PDE4D: variants seen among roughly 807,000 people sequenced by gnomAD.
PDE4D encodes 3',5'-cyclic-AMP phosphodiesterase 4D.
PDE4D carries 24 observed loss-of-function variants against 87.4 expected under a neutral mutation model. The ratio of observed to expected loss-of-function variants is 0.27; its 90% CI spans 0.20 to 0.39. The LOEUF (loss-of-function observed/expected upper bound fraction) is 0.39, where lower values mean the gene tolerates loss of function less well. Among genes scored for constraint, PDE4D ranks in the 10% least tolerant of loss-of-function variants. PDE4D has a pLI of 1.00. For missense variants in PDE4D, 714 were observed against 1,041.0 expected (o/e 0.69, Z 4.32); for synonymous variants, 384 against 383.2 (o/e 1.00, Z -0.02).
intron 1 of PDE4D, among the ~76,000 whole-genome samples, chr5:59,642,113 T>C (rs189136614): frequency 3.6e-4 from 55 of 152,220 alleles, no homozygotes; most frequent in African/African-American, 1.2e-3. Flanking sequence ...GAGATACATA[T>C]AGAATGATTT....
intron 1 of PDE4D, among the ~76,000 whole-genome samples, chr5:60,507,219 C>T (rs1462328620): frequency 6.6e-6 from 1 of 151,984 alleles, no homozygotes; most frequent in East Asian, 1.9e-4. Context: ...GGACTACAGG[C>T]ACCCGCCACT....
At chr5:59,907,522 G>A (rs1160565931) in intron 3 of PDE4D, among the ~76,000 whole-genome samples, 1 of 151,996 alleles carries the variant, frequency 6.6e-6, no homozygotes, top group Non-Finnish European at 1.5e-5. Flanking sequence ...AAAATAACCT[G>A]TTACAACAAA....
intron 11 of PDE4D, among the ~76,000 whole-genome samples, chr5:58,984,610 TAGAG>T (rs954992386): frequency 6.6e-6 from 1 of 152,098 alleles, no homozygotes; most frequent in African/African-American, 2.4e-5. Context: ...AAAATAAAAG[TAGAG>T]AAATAAAAAA....
intron 1 of PDE4D, among the ~76,000 whole-genome samples, chr5:59,451,450 G>A (rs988828): frequency 0.4 from 61,341 of 151,978 alleles, 15,417 homozygotes; most frequent in African/African-American, 0.72. Flanking sequence ...CACATACAGC[G>A]CACCTGACTC....
chr5:59,096,013 C>A (rs993596511), intron 5 of PDE4D, among the ~76,000 whole-genome samples: 3 of 152,058 alleles, frequency 2.0e-5, no homozygotes, highest in African/African-American at 7.2e-5. Flanking sequence ...GCTAGTTAAG[C>A]TGGTTACTGT....
chr5:60,197,050 T>TAGAC (rs1741309360), intron 1 of PDE4D, among the ~76,000 whole-genome samples: 1 of 103,006 alleles, frequency 9.7e-6, no homozygotes, highest in Non-Finnish European at 2.0e-5. Flanking sequence ...GATAGATAGA[T>TAGAC]AGATAGATAG....
At chr5:59,990,530 T>C (rs1159064584) in intron 2 of PDE4D, among the ~76,000 whole-genome samples, 1 of 62,976 alleles carries the variant, frequency 1.6e-5, no homozygotes, top group Non-Finnish European at 4.1e-5. Flanking sequence ...CTGAGAAGAT[T>C]TAAAAAACAA....
intron 3 of PDE4D, among the ~76,000 whole-genome samples, chr5:59,953,310 T>C (rs929316288): frequency 1.3e-5 from 2 of 152,174 alleles, no homozygotes; most frequent in African/African-American, 4.8e-5. Context: ...TATTTTGCGA[T>C]TTAATGCATC....
intron 1 of PDE4D, among the ~76,000 whole-genome samples, chr5:59,259,638 T>C (rs546021025): frequency 1.3e-5 from 2 of 151,826 alleles, no homozygotes; most frequent in South Asian, 4.2e-4. Flanking sequence ...TTCTTTAGAA[T>C]TGTTAAAAGT....
chr5:59,851,289 T>C (rs888640847), intron 1 of PDE4D, among the ~76,000 whole-genome samples: 2 of 152,058 alleles, frequency 1.3e-5, no homozygotes, highest in Admixed American at 1.3e-4. Flanking sequence ...CAACTTCATA[T>C]GAGTGCCAAA....
chr5:59,761,332 A>G (rs548135287), intron 1 of PDE4D, among the ~76,000 whole-genome samples: 24 of 152,122 alleles, frequency 1.6e-4, no homozygotes, highest in Non-Finnish European at 3.1e-4. Flanking sequence ...GACTTTATAA[A>G]CACTGTACAC....
upstream of PDE4D, chr5:60,490,371 T>C (rs962342657): frequency 3.9e-5 from 6 of 152,348 alleles, no homozygotes; most frequent in Admixed American, 3.9e-4. Context: ...AAGGAAGTGA[T>C]GTCCCATTAT....
At chr5:59,361,989 G>A (rs1356346174) in intron 1 of PDE4D, among the ~76,000 whole-genome samples, 1 of 152,130 alleles carries the variant, frequency 6.6e-6, no homozygotes, top group African/African-American at 2.4e-5. Context: ...TTTCAGGGCA[G>A]CACTGTATAG....
intron 2 of PDE4D, among the ~76,000 whole-genome samples, chr5:60,145,801 T>C (rs1438156438): frequency 6.6e-6 from 1 of 152,232 alleles, no homozygotes; most frequent in African/African-American, 2.4e-5. Context: ...CATGATGGAA[T>C]TTTTGGCTGA....
intron 1 of PDE4D, among the ~76,000 whole-genome samples, chr5:59,562,509 T>C (rs1475002353): frequency 6.6e-6 from 1 of 152,194 alleles, no homozygotes; most frequent in Admixed American, 6.5e-5. Context: ...GCATGAAAAT[T>C]AGAAGACAAA....
intron 5 of PDE4D, among the ~76,000 whole-genome samples, chr5:59,162,971 T>C (rs1278737814): frequency 2.0e-5 from 3 of 151,234 alleles, no homozygotes; most frequent in African/African-American, 7.3e-5. Flanking sequence ...CGAGGCAGAG[T>C]CTTGCTCTGT....
chr5:59,499,698 A>T (rs1428195083), intron 1 of PDE4D, among the ~76,000 whole-genome samples: 1 of 152,116 alleles, frequency 6.6e-6, no homozygotes, highest in East Asian at 1.9e-4. Flanking sequence ...TTCTGGACAC[A>T]CACAACCTCC....
In PDE4D at chr5:59,904,155, T is replaced by C. The variant is rs553672391; in HGVS notation, c.272+84333A>G. Among the ~76,000 whole-genome samples the C allele has an allele frequency of 4.6e-5, 7 of 152,328 alleles. No homozygotes were observed. In the South Asian group the frequency reaches 1.4e-3, roughly 32 times the overall value. ...AATCTAAACCCAAGTCTGTCTTTAC[T>C]TAAGATTTTGTGCAAAATACTATGC... On this transcript the variant is annotated intron_variant, in intron 3 of 16. Coordinates refer to the PDE4D transcript ENST00000502484.
intron 5 of PDE4D, among the ~76,000 whole-genome samples, chr5:59,158,338 G>A (rs143340143): frequency 6.6e-6 from 1 of 152,166 alleles, no homozygotes; most frequent in South Asian, 2.1e-4. Context: ...GCTGGAAAAG[G>A]TCTCTCAGCT....
Sources: allele counts gnomAD v4.1 joint callset (sites outside exome capture counted in the v4.1 genomes callset), GRCh38; gene constraint gnomAD v4.1.1; transcripts MANE v1.5; gene names NCBI Gene and HGNC (gene_info 2026-07-23, HGNC 2026-07-21).